Variants in NRXN2 observed in about 807,000 individuals in gnomAD.
NRXN2 encodes the protein neurexin-2-beta.
A neutral mutation model predicts 128.8 loss-of-function variants in NRXN2; 29 were observed. The observed-to-expected ratio is 0.23, with a 90% confidence interval of 0.17 to 0.31. The LOEUF (loss-of-function observed/expected upper bound fraction) is 0.31. NRXN2 is among the 10% of genes least tolerant of loss of function. The probability of loss-of-function intolerance (pLI) is 1.00; values close to 1 mark genes in which losing one functional copy is unlikely to be tolerated. For missense variants in NRXN2, 1,881 were observed against 2,452.6 expected (o/e 0.77, Z 4.92); for synonymous variants, 1,098 against 1,075.2 (o/e 1.02, Z -0.41).
At chr11:64,688,331 T>A (rs1294942632) in intron 5 of NRXN2, 1 of 984,772 alleles carries the variant, frequency 1.0e-6, no homozygotes, top group Admixed American at 6.2e-5. Context: ...CCAAGAGGCC[T>A]GAGGAGCAGC....
intron 1 of NRXN2, among the ~76,000 whole-genome samples, chr11:64,716,349 C>T (rs2057303867): frequency 6.6e-6 from 1 of 152,014 alleles, no homozygotes; most frequent in East Asian, 1.9e-4. Flanking sequence ...AGGGAGATGG[C>T]AGACGGGTTC....
chr11:64,620,472 T>G (rs2042161070), intron 21 of NRXN2, 100 bp from the exon 22 acceptor site: 1 of 917,644 alleles, frequency 1.1e-6, no homozygotes. Flanking sequence ...GGGATGCCCC[T>G]GGGCTGAGAC....
Position 64,650,521 on chromosome 11 carries a change from G to C in NRXN2, c.3036C>G (p.Asn1012Lys). 1 of 1,614,220 alleles carries C rather than the reference G, an allele frequency of 6.2e-7. No homozygotes were observed. Among genetic ancestry groups the C allele is most frequent in the Non-Finnish European group, 8.5e-7 (1 of 1,180,038 alleles). Residue 1012 changes from asparagine (N) to lysine (K), a missense_variant, in exon 15 of 23, where the codon AAC becomes AAG. By Grantham distance (94) the Asn-to-Lys change is moderately conservative. This residue lies in a region of NRXN2 where 390 missense variants were observed against 599.6 expected (regional missense o/e 0.65). Transcript: ENST00000265459. ...GGGAGTCAATCTTGAGCGTGTGCACGTTGCCTGGGTCCCTGGACACCACCA... is the reference window on the plus strand; with the variant it reads ...GGGAGTCAATCTTGAGCGTGTGCACCTTGCCTGGGTCCCTGGACACCACCA... ...HNVVVSRDPG[N>K]VHTLKIDSRT...
intron 22 of NRXN2, among the ~76,000 whole-genome samples, chr11:64,610,460 A>G (rs1302728143): frequency 2.0e-5 from 3 of 152,074 alleles, no homozygotes. Flanking sequence ...AACCTAAGTC[A>G]TCCTCCCAAT....
intron 1 of NRXN2, among the ~76,000 whole-genome samples, chr11:64,716,376 G>A (rs1441530888): frequency 6.6e-6 from 1 of 152,180 alleles, no homozygotes; most frequent in Non-Finnish European, 1.5e-5. Flanking sequence ...AAAGGCGAGG[G>A]GCAGGAAGTT....
chr11:64,643,196 C>A, intron 17 of NRXN2: 2 of 956,488 alleles, frequency 2.1e-6, no homozygotes, highest in Non-Finnish European at 2.4e-6. Flanking sequence ...GGAAATCCTG[C>A]GGAAAAACCG....
At chr11:64,692,201 G>A (rs540203148) in intron 4 of NRXN2, among the ~76,000 whole-genome samples, 4 of 152,174 alleles carry the variant, frequency 2.6e-5, no homozygotes, top group Non-Finnish European at 4.4e-5. Flanking sequence ...GGTCCTCAAC[G>A]TCGTCATCTG....
intron 17 of NRXN2, among the ~76,000 whole-genome samples, chr11:64,636,817 AC>A (rs1328006721): frequency 1.3e-5 from 2 of 151,956 alleles, no homozygotes; most frequent in Non-Finnish European, 2.9e-5. Flanking sequence ...AGTTGGTAAC[AC>A]TAGGCCGGGT....
At chr11:64,712,927 A>T in intron 2 of NRXN2, 43 bp downstream of exon 2, 3 of 1,476,016 alleles carry the variant, frequency 2.0e-6, no homozygotes, top group Non-Finnish European at 1.8e-6. Context: ...CCAGGCCCTC[A>T]CCCCCGCGCC....
Position 64,623,146 on chromosome 11 carries a change from G to A in NRXN2, c.3848-68C>T. The A allele has an allele frequency of 6.5e-7, 1 of 1,527,154 alleles. No individual in the cohort carries two copies. The highest frequency in any genetic ancestry group is 8.8e-7 in the Non-Finnish European group (1 of 1,133,200). The allele number at this position is 1,527,154 out of a possible 1,614,324, so 94.6% of individuals were successfully genotyped here. A position where few individuals can be genotyped will look rare whatever the true frequency, so the allele number is the denominator to read the frequency against. On this transcript the variant is annotated intron_variant, in intron 20 of 22. Transcript: ENST00000265459. The surrounding 1 kb of genome is among the most constrained non-coding windows in gnomAD (Gnocchi z 4.9). ...GAGGGGAGACCAGGAAGGGAAGGAA[G>A]AAAAGAAGGAAGCCAAGGAGAGGAA...
rs375478368 is a variant in NRXN2 at position 64,648,955 on chromosome 11, C to T, written c.3110-48G>A. The T allele has an allele frequency of 1.2e-5, 19 of 1,600,412 alleles. No homozygotes were observed. The African/African-American group carries it at 1.6e-4, about 14-fold the overall frequency. On this transcript the variant is annotated intron_variant, in intron 15 of 22. Transcript: ENST00000265459. The surrounding 1 kb of genome is among the most constrained non-coding windows in gnomAD (Gnocchi z 4.1). ...AAGGCATCCAGGTCCCCATTCCCAT[C>T]CCAAGACAATGGCATCTGGCTGTCA...
At chr11:64,677,597 G>T (rs1431072954) in intron 6 of NRXN2, among the ~76,000 whole-genome samples, 3 of 152,202 alleles carry the variant, frequency 2.0e-5, no homozygotes, top group Admixed American at 1.3e-4. Flanking sequence ...TCGGCAACGG[G>T]GTTTTCCAAC....
Position 64,685,934 on chromosome 11 carries a change from A to T in NRXN2, c.864T>A (p.Phe288Leu), listed in dbSNP as rs778650337. Residue 288 changes from phenylalanine (F) to leucine (L), a missense_variant, in exon 6 of 23, where the codon TTT becomes TTA. Physicochemically the swap from Phe to Leu is conservative, Grantham distance 22 (BLOSUM62 0). Around this residue, in one of 7 missense-constraint regions of NRXN2, gnomAD observed 997 missense variants for 1,240.8 expected, o/e 0.80. Coordinates refer to ENST00000265459, the MANE Select transcript of NRXN2 (RefSeq NM_015080.4). ...ACTCATTGCCTTTGAAGGTCGCCAC[A>T]AACTCCTCCTTGCCTGGATGCCGTG... ...VHQPTKGKEE[F>L]VATFKGNEFF... The T allele has an allele frequency of 6.2e-7, 1 of 1,614,142 alleles. No individual in the cohort carries two copies. Among genetic ancestry groups the T allele is most frequent in the Non-Finnish European group, 8.5e-7 (1 of 1,180,026 alleles).
chr11:64,668,461 G>C lies in NRXN2; in HGVS notation c.1341C>G (p.Phe447Leu), dbSNP rs1303079243. 1 of 1,613,918 alleles carries C rather than the reference G, an allele frequency of 6.2e-7. No homozygotes were observed. Among genetic ancestry groups the C allele is most frequent in the African/African-American group, 1.3e-5 (1 of 74,934 alleles). Residue 447 changes from phenylalanine (F) to leucine (L), a missense_variant, in exon 8 of 23, where the codon TTC (phenylalanine) becomes TTG (leucine). Physicochemically the swap from Phe to Leu is conservative, Grantham distance 22 (BLOSUM62 0). Coordinates refer to ENST00000265459, the MANE Select transcript of NRXN2 (RefSeq NM_015080.4). ...TACTCACGTCCTTGAGGCAGCCCAT[G>C]AAGTTGTTGCTGACGGGCGAGCCCG... ...DLPGSPVSNN[F>L]MGCLKDVVYK...
intron 6 of NRXN2, among the ~76,000 whole-genome samples, chr11:64,680,379 C>G (rs903203299): frequency 7.9e-5 from 12 of 152,170 alleles, no homozygotes; most frequent in African/African-American, 2.9e-4. Flanking sequence ...TTCAGACATA[C>G]AAGCAGAACA....
At chr11:64,712,714 G>T in intron 2 of NRXN2, 1 of 647,034 alleles carries the variant, frequency 1.5e-6, no homozygotes. Flanking sequence ...TGACCACACA[G>T]GCTGCCCACA....
Position 64,713,376 on chromosome 11 carries a change from G to C in NRXN2, c.324C>G (p.Ala108=), listed in dbSNP as rs1280440728. The change falls in exon 2 of 23, where the codon GCC becomes GCG. Residue 108 remains alanine (A), a synonymous_variant. Transcript: ENST00000265459. ...GCAGCACCATGTGCCAGCGGTCGTC[G>C]GCCACCGGCGTGTCCAGCTGCAGCG... The part of the protein sequence containing the change: ...PATLQLDTPV[A]DDRWHMVLLT... The C allele has an allele frequency of 1.4e-6, 2 of 1,448,466 alleles. No homozygotes were observed. Among genetic ancestry groups the C allele is most frequent in the Non-Finnish European group, 1.8e-6 (2 of 1,104,854 alleles). 89.7% of individuals were successfully genotyped at this position (1,448,466 alleles called of 1,614,324 possible).
chr11:64,692,799 A>T (rs754259113), intron 4 of NRXN2, 48 bp downstream of exon 4: 3 of 1,611,556 alleles, frequency 1.9e-6, no homozygotes, highest in Middle Eastern at 1.7e-4. Flanking sequence ...ATCCAGGCGC[A>T]GGTTGGGGGC....
At chr11:64,654,247 T>G (rs1175043379) in intron 11 of NRXN2, among the ~76,000 whole-genome samples, 2 of 151,906 alleles carry the variant, frequency 1.3e-5, no homozygotes, top group African/African-American at 4.8e-5. Flanking sequence ...AGGGCCCCCT[T>G]CCCGAGGCCA....
Sources: allele counts gnomAD v4.1 joint callset (sites outside exome capture counted in the v4.1 genomes callset), GRCh38; gene constraint gnomAD v4.1.1; regional missense constraint gnomAD v4.1.1; non-coding constraint Gnocchi (gnomAD v3.1); transcripts MANE v1.5; gene names NCBI Gene and HGNC (gene_info 2026-07-23, HGNC 2026-07-21).